PTPRD: variants seen among roughly 807,000 people sequenced by gnomAD.
The protein encoded by PTPRD is protein tyrosine phosphatase receptor type D.
In PTPRD, 34 loss-of-function variants were observed where a neutral mutation model predicts 214.5. The observed-to-expected ratio is 0.16, with a 90% confidence interval of 0.12 to 0.21. The LOEUF (loss-of-function observed/expected upper bound fraction) is 0.21. Ranked by LOEUF, PTPRD falls within the 10% of genes least tolerant of loss-of-function variation. The pLI, the probability that PTPRD is intolerant of heterozygous loss-of-function variation, is 1.00. For missense variants in PTPRD, 2,545 were observed against 2,398.7 expected, an observed-to-expected ratio of 1.06 and a Z score of -1.27; for synonymous variants, 1,128 against 845.7, an observed-to-expected ratio of 1.33 and a Z score of -5.79.
chr9:10,328,008 A>C (rs1179513936), intron 3 of PTPRD, among the ~76,000 whole-genome samples: 1 of 151,746 alleles, frequency 6.6e-6, no homozygotes, highest in Non-Finnish European at 1.5e-5. Context: ...AAGAGATAAT[A>C]CTTATATATT....
At chr9:10,598,674 A>ATGTTTGTG (rs1555602637) in intron 2 of PTPRD, among the ~76,000 whole-genome samples, 1 of 143,796 alleles carries the variant, frequency 7.0e-6, no homozygotes. Context: ...TTATATATGT[A>ATGTTTGTG]TGTGTGTGTG....
chr9:8,799,286 A>C (rs566089078), intron 11 of PTPRD, among the ~76,000 whole-genome samples: 1 of 152,198 alleles, frequency 6.6e-6, no homozygotes, highest in Non-Finnish European at 1.5e-5. Flanking sequence ...CTTAGCACAG[A>C]TAATGCTAGA....
intron 5 of PTPRD, among the ~76,000 whole-genome samples, chr9:9,822,433 A>G (rs946127884): frequency 1.4e-5 from 2 of 147,840 alleles, no homozygotes; most frequent in Non-Finnish European, 3.0e-5. Flanking sequence ...TATATACATA[A>G]TATATAATAT....
rs73641221 is a variant in PTPRD, at chr9:9,129,810, C to A, written c.-143+53494G>T. ...TATTTGTCCAACCAGAAAATATTTA[C>A]CATGGATTTATTTATACTCAAGGCA... On this transcript the variant is annotated intron_variant, in intron 10 of 45. Coordinates refer to ENST00000381196, the MANE Select transcript of PTPRD (RefSeq NM_002839.4). Among the ~76,000 whole-genome samples, 695 of 152,174 alleles carry A rather than the reference C, an allele frequency of 4.6e-3. 4 individuals are homozygous for A. Among genetic ancestry groups the A allele is most frequent in the African/African-American group, 7.4e-3 (308 of 41,518 alleles).
At chr9:10,455,734 C>G (rs16926054) in intron 2 of PTPRD, among the ~76,000 whole-genome samples, 6,955 of 151,686 alleles carry the variant, frequency 0.046, 234 homozygotes, top group South Asian at 0.13. Flanking sequence ...TTGGTAAAAC[C>G]TTTGTTCATT....
At chr9:9,284,308 G>T (rs1222193178) in intron 9 of PTPRD, among the ~76,000 whole-genome samples, 3 of 151,516 alleles carry the variant, frequency 2.0e-5, no homozygotes, top group Non-Finnish European at 4.4e-5. Flanking sequence ...CCCATCATCT[G>T]GATTTAAAGG....
At chr9:10,004,207 G>T (rs2096410587) in intron 4 of PTPRD, among the ~76,000 whole-genome samples, 1 of 151,798 alleles carries the variant, frequency 6.6e-6, no homozygotes, top group South Asian at 2.1e-4. Flanking sequence ...AATTTAGGTT[G>T]TATATATTGG....
chr9:8,960,458 G>C (rs1376649308), intron 11 of PTPRD, among the ~76,000 whole-genome samples: 3 of 152,180 alleles, frequency 2.0e-5, no homozygotes, highest in East Asian at 1.9e-4. Context: ...AGCAAGATCA[G>C]TAAAAGAAAT....
intron 5 of PTPRD, among the ~76,000 whole-genome samples, chr9:9,796,366 T>C (rs2153489050): frequency 6.6e-6 from 1 of 152,268 alleles, no homozygotes; most frequent in Non-Finnish European, 1.5e-5. Context: ...GACAGCTCAA[T>C]TTTAGATATG....
chr9:9,982,066 G>C lies in PTPRD; in HGVS notation c.-471-43456C>G, dbSNP rs1400028646. Among the ~76,000 whole-genome samples the C allele has an allele frequency of 3.3e-5, 5 of 152,194 alleles. No homozygotes were observed. The East Asian group carries it at 9.6e-4, about 29-fold the overall frequency. Reference sequence around the variant, plus strand: ...AGATTGCTTCCCCTAGGTTGGCTCAGTGGAAACAGTATGCCTCTCCTTGGT... The same window carrying C: ...AGATTGCTTCCCCTAGGTTGGCTCACTGGAAACAGTATGCCTCTCCTTGGT... On this transcript the variant is annotated intron_variant, in intron 4 of 45. Transcript: ENST00000381196.
At position 10,597,591 on chromosome 9, in the gene PTPRD, A is replaced by T. The variant is rs189926123; in HGVS notation, c.-600+14807T>A. 1.4e-3 allele frequency among the ~76,000 whole-genome samples: 207 copies of T among 151,888 alleles called. 1 individual carries two copies. Among genetic ancestry groups the T allele is most frequent in the African/African-American group, 4.9e-3 (202 of 41,520 alleles). On this transcript the variant is annotated intron_variant, in intron 2 of 45. Coordinates refer to ENST00000381196, the MANE Select transcript of PTPRD (RefSeq NM_002839.4). ...TAAGGAGTTAAAACAGCTCATTTAG[A>T]TTGGAAAATATTTTTAATTAACGCA...
At chr9:10,272,726 G>C (rs947354841) in intron 3 of PTPRD, among the ~76,000 whole-genome samples, 1 of 152,130 alleles carries the variant, frequency 6.6e-6, no homozygotes, top group East Asian at 1.9e-4. Context: ...ATTTTCATTT[G>C]AGAACCTGTT....
chr9:8,778,375 G>A (rs949032077), intron 11 of PTPRD, among the ~76,000 whole-genome samples: 8 of 152,088 alleles, frequency 5.3e-5, no homozygotes, highest in African/African-American at 1.9e-4. Flanking sequence ...CTTGTCTTTT[G>A]CCTGGCCAAT....
chr9:9,822,323 A>T (rs1344145560), intron 5 of PTPRD, among the ~76,000 whole-genome samples: 1 of 151,448 alleles, frequency 6.6e-6, no homozygotes, highest in Non-Finnish European at 1.5e-5. Flanking sequence ...AGGCAGGAGA[A>T]TCACTTGAAC....
At chr9:10,355,267 A>G (rs1565495950) in intron 2 of PTPRD, among the ~76,000 whole-genome samples, 1 of 152,156 alleles carries the variant, frequency 6.6e-6, no homozygotes, top group Non-Finnish European at 1.5e-5. Flanking sequence ...TTGGGATATT[A>G]GCAAGCAAGC....
chr9:9,674,822 T>C (rs1300607066), intron 7 of PTPRD, among the ~76,000 whole-genome samples: 1 of 151,878 alleles, frequency 6.6e-6, no homozygotes, highest in Non-Finnish European at 1.5e-5. Context: ...AAAAGCATTC[T>C]TTATGTCACT....
chr9:8,471,172 G>A, intron 30 of PTPRD, 87 bp from the exon 31 acceptor site: 1 of 1,054,746 alleles, frequency 9.5e-7, no homozygotes, highest in East Asian at 2.4e-5. Context: ...GACCAATGAG[G>A]TTGAAGGCAA....
intron 3 of PTPRD, among the ~76,000 whole-genome samples, chr9:10,070,329 G>T (rs977634513): frequency 1.3e-5 from 2 of 152,026 alleles, no homozygotes; most frequent in Non-Finnish European, 2.9e-5. Flanking sequence ...CAAAGTCAAA[G>T]ATAGAGGATT....
intron 8 of PTPRD, among the ~76,000 whole-genome samples, chr9:9,494,756 C>T (rs1274541323): frequency 6.6e-6 from 1 of 152,108 alleles, no homozygotes; most frequent in Non-Finnish European, 1.5e-5. Context: ...TCTATAGATT[C>T]AACACAAGTT....
Sources: allele counts gnomAD v4.1 joint callset (sites outside exome capture counted in the v4.1 genomes callset), GRCh38; gene constraint gnomAD v4.1.1; transcripts MANE v1.5; gene names NCBI Gene and HGNC (gene_info 2026-07-23, HGNC 2026-07-21).